Variants in SCYL3 observed in about 807,000 individuals in gnomAD.
The protein encoded by SCYL3 is SCY1 like pseudokinase 3.
SCYL3 carries 35 observed loss-of-function variants against 73.8 expected under a neutral mutation model. The observed-to-expected ratio is 0.47, with a 90% CI of 0.36 to 0.63. The LOEUF (loss-of-function observed/expected upper bound fraction) is 0.63. SCYL3 is among the 20% of genes least tolerant of loss of function. SCYL3 has a pLI of 0.00. For missense variants in SCYL3, 712 were observed against 798.9 expected (o/e 0.89, Z 1.31); for synonymous variants, 277 against 295.2 (o/e 0.94, Z 0.63).
intron 11 of SCYL3, among the ~76,000 whole-genome samples, chr1:169,858,249 G>GT (rs1467188442): frequency 1.3e-5 from 2 of 152,014 alleles, no homozygotes; most frequent in East Asian, 3.9e-4. Context: ...AGCTTTTTCT[G>GT]TTTTTAAAAT....
chr1:169,869,206 G>C (rs917764262), intron 6 of SCYL3, 167 bp from the exon 7 acceptor site: 5 of 583,332 alleles, frequency 8.6e-6, no homozygotes, highest in South Asian at 5.9e-5. Flanking sequence ...CTCATTGGCA[G>C]GTGTAGAAAG....
At chr1:169,866,812 A>T in intron 8 of SCYL3, 84 bp downstream of exon 8, 1 of 772,922 alleles carries the variant, frequency 1.3e-6, no homozygotes, top group Non-Finnish European at 2.2e-6. Flanking sequence ...CAAATATATG[A>T]CTCATCTTCT....
At chr1:169,893,973 C>G (rs1662279430), upstream of SCYL3, 1 of 152,364 alleles carries the variant, frequency 6.6e-6, no homozygotes, top group Admixed American at 6.5e-5. Flanking sequence ...GGCCCACCTT[C>G]CTCCCTCCGA....
chr1:169,883,482 G>A (rs1661451371), intron 2 of SCYL3, among the ~76,000 whole-genome samples: 1 of 152,300 alleles, frequency 6.6e-6, no homozygotes, highest in East Asian at 1.9e-4. Flanking sequence ...ATCAGATTGG[G>A]AGGAGAGTGA....
rs1571357775 is a variant in SCYL3 at position 169,851,705 on chromosome 1, C to T, written c.*2008G>A. The T allele has an allele frequency of 1.5e-6, 2 of 1,316,436 alleles. No homozygotes were observed. The highest frequency in any genetic ancestry group is 1.1e-6 in the Non-Finnish European group (1 of 949,870). The allele number at this position is 1,316,436 out of a possible 1,614,324, so 81.5% of individuals were successfully genotyped here. On this transcript the variant is annotated 3_prime_UTR_variant, in exon 13 of 13. Coordinates refer to ENST00000367771, the MANE Select transcript of SCYL3 (RefSeq NM_020423.7). ...TTTATAGATCAGTCCATGTGACTTC[C>T]AGAATTTGCCTAGTATGGTTGAACA...
At position 169,863,188 on chromosome 1, in the gene SCYL3, G is replaced by A. The variant is rs1162889403; in HGVS notation, c.956-391C>T. ...GGTGTCCCAAAGTGCTGGGATTACA[G>A]GCGTGAGCCACCGCGCCCGGCCAGT... On this transcript the variant is annotated intron_variant, in intron 9 of 12. Transcript: ENST00000367771. Among the ~76,000 whole-genome samples the A allele has an allele frequency of 3.3e-5, 5 of 152,306 alleles. No individual in the cohort carries two copies. In the East Asian group the frequency reaches 9.7e-4, roughly 29 times the overall value.
At chr1:169,880,095 T>C (rs10919263) in intron 2 of SCYL3, among the ~76,000 whole-genome samples, 106,932 of 151,244 alleles carry the variant, frequency 0.71, 37,975 homozygotes, top group Middle Eastern at 0.86. Context: ...CAGTGAAATC[T>C]CCATCTCATA....
intron 1 of SCYL3, among the ~76,000 whole-genome samples, chr1:169,890,534 T>A (rs904534752): frequency 2.0e-5 from 3 of 152,300 alleles, no homozygotes; most frequent in Admixed American, 2.0e-4. Flanking sequence ...TGAAATTCCA[T>A]ACAACACCTT....
chr1:169,872,020 T>G (rs1349523524), intron 5 of SCYL3, among the ~76,000 whole-genome samples: 2 of 152,214 alleles, frequency 1.3e-5, no homozygotes, highest in African/African-American at 4.8e-5. Flanking sequence ...TCAGGTGACA[T>G]TCAAGGCAGC....
chr1:169,856,412 C>G (rs996895902), intron 11 of SCYL3, among the ~76,000 whole-genome samples: 1 of 152,142 alleles, frequency 6.6e-6, no homozygotes, highest in African/African-American at 2.4e-5. Context: ...CATTTAACCC[C>G]CAACTGGGGA....
rs753502380 is a variant in SCYL3 at position 169,868,960 on chromosome 1, C to T, written c.705G>A (p.Ala235=). Residue 235 remains alanine, a synonymous_variant, in exon 7 of 13, where the codon GCG becomes GCA. Transcript: ENST00000367771. ...AGTCATGAGATAGTAAGGTGCAGAGCGCTGGCCGACATTTTGGAATGGGAT... is the reference window on the plus strand; with the variant it reads ...AGTCATGAGATAGTAAGGTGCAGAGTGCTGGCCGACATTTTGGAATGGGAT... The part of the protein sequence containing the change: ...LLNPIPKCRP[A]LCTLLSHDFF... 7 of 1,614,070 alleles carry T rather than the reference C, an allele frequency of 4.3e-6. No individual in the cohort carries two copies. Among genetic ancestry groups the T allele is most frequent in the African/African-American group, 2.7e-5 (2 of 75,024 alleles).
At chr1:169,873,374 A>T (rs1407751663) in intron 5 of SCYL3, among the ~76,000 whole-genome samples, 1 of 152,176 alleles carries the variant, frequency 6.6e-6, no homozygotes, top group African/African-American at 2.4e-5. Context: ...TTCTTTTGTA[A>T]ATTGCCCAGT....
Position 169,892,214 on chromosome 1 carries a change from C to G in SCYL3, c.-51+1574G>C, listed in dbSNP as rs557378493. Among the ~76,000 whole-genome samples the G allele has an allele frequency of 2.6e-5, 4 of 152,184 alleles. No homozygotes were observed. The South Asian group carries it at 8.3e-4, about 31-fold the overall frequency. On this transcript the variant is annotated intron_variant, in intron 1 of 12. Coordinates refer to ENST00000367771, the MANE Select transcript of SCYL3 (RefSeq NM_020423.7). The stretch of plus-strand genomic sequence containing the variant: ...GCAGTAATTCTTCACACTAATATAT[C>G]TAAAGAAGCACAAATACTGTTATAT...
intron 4 of SCYL3, among the ~76,000 whole-genome samples, chr1:169,874,868 A>C (rs752336522): frequency 3.4e-4 from 52 of 152,190 alleles, no homozygotes; most frequent in Non-Finnish European, 5.7e-4. Context: ...CAGAGGTTGC[A>C]GTAAGCCGAG....
chr1:169,853,182 C>T lies in SCYL3; in HGVS notation c.*531G>A. 1 of 607,492 alleles carries T rather than the reference C, an allele frequency of 1.6e-6. No homozygotes were observed. Among genetic ancestry groups the T allele is most frequent in the South Asian group, 2.1e-5 (1 of 48,154 alleles). 37.6% of individuals were successfully genotyped at this position (607,492 alleles called of 1,614,324 possible). On this transcript the variant is annotated 3_prime_UTR_variant, in exon 13 of 13. Transcript: ENST00000367771. ...TTGGTACAATGTACTACATGTGGAA[C>T]AGTCAGGAACTGCCTAGGTCCACAA...
intron 2 of SCYL3, among the ~76,000 whole-genome samples, chr1:169,887,460 C>A (rs1170806241): frequency 6.6e-6 from 1 of 151,986 alleles, no homozygotes; most frequent in African/African-American, 2.4e-5. Context: ...GTCTCTAGTA[C>A]CTCGCCGATA....
intron 2 of SCYL3, among the ~76,000 whole-genome samples, chr1:169,885,445 C>T (rs1332291821): frequency 6.6e-6 from 1 of 152,168 alleles, no homozygotes; most frequent in Non-Finnish European, 1.5e-5. Context: ...AATCCACCTG[C>T]AGGCTTTTAG....
chr1:169,882,697 AG>A (rs1661377428), intron 2 of SCYL3, among the ~76,000 whole-genome samples: 1 of 152,100 alleles, frequency 6.6e-6, no homozygotes, highest in East Asian at 1.9e-4. Flanking sequence ...GTCTAGCTCA[AG>A]GTTTGTGAAT....
chr1:169,877,826 T>A (rs990767042), intron 3 of SCYL3, among the ~76,000 whole-genome samples: 4 of 152,256 alleles, frequency 2.6e-5, no homozygotes, highest in Admixed American at 6.5e-5. Flanking sequence ...ATTCTCGTTA[T>A]CATGCGAACT....
Sources: allele counts gnomAD v4.1 joint callset (sites outside exome capture counted in the v4.1 genomes callset), GRCh38; gene constraint gnomAD v4.1.1; transcripts MANE v1.5; gene names NCBI Gene and HGNC (gene_info 2026-07-23, HGNC 2026-07-21).